Variants in DPYD observed in about 807,000 individuals in gnomAD.
The protein encoded by DPYD is dihydropyrimidine dehydrogenase [NADP(+)].
In DPYD, 109 loss-of-function variants were observed where a neutral mutation model predicts 116.2. The observed-to-expected ratio is 0.94, with a 90% CI of 0.80 to 1.10. The LOEUF is 1.10. DPYD is among the 50% of genes least tolerant of loss of function. The pLI is 0.00. For missense variants in DPYD, 1,302 were observed against 1,254.5 expected (o/e 1.04, Z -0.57); for synonymous variants, 440 against 432.0 (o/e 1.02, Z -0.23).
rs777367894 is a variant in DPYD, at chr1:97,305,394, C to G, written c.2180-16G>C. On this transcript the variant is annotated splice_polypyrimidine_tract_variant and intron_variant, in intron 17 of 22. Transcript: ENST00000370192. ...TTGGCACCACCTATGCAAGACACAT[C>G]AACATTTTCATGCAGCTCTTATAAG... The G allele has an allele frequency of 6.2e-7, 1 of 1,611,916 alleles. No individual in the cohort carries two copies. Among genetic ancestry groups the G allele is most frequent in the Admixed American group, 1.7e-5 (1 of 59,846 alleles).
intron 2 of DPYD, among the ~76,000 whole-genome samples, chr1:97,872,294 T>C (rs1167767048): frequency 6.6e-6 from 1 of 151,954 alleles, no homozygotes; most frequent in Non-Finnish European, 1.5e-5. Flanking sequence ...CCTGAGTAGA[T>C]AACTATATTC....
chr1:97,130,836 C>CTCCTTCCTTCCTTCCT (rs59350272), intron 20 of DPYD, among the ~76,000 whole-genome samples: 2,287 of 64,372 alleles, frequency 0.036, 48 homozygotes, highest in Non-Finnish European at 0.038. Context: ...TTTCTTCTTT[C>CTCCTTCCTTCCTTCCT]TCCTTCCTTC....
chr1:97,326,464 G>C (rs558131991), intron 16 of DPYD, among the ~76,000 whole-genome samples: 2 of 151,882 alleles, frequency 1.3e-5, no homozygotes, highest in African/African-American at 4.8e-5. Flanking sequence ...TTGATGTCTT[G>C]TGAATGGATG....
At chr1:97,443,107 C>CT (rs1675893185) in intron 14 of DPYD, among the ~76,000 whole-genome samples, 1 of 152,180 alleles carries the variant, frequency 6.6e-6, no homozygotes, top group Non-Finnish European at 1.5e-5. Context: ...TGTTCTGACT[C>CT]TAAGCCCTCT....
chr1:97,317,693 A>T (rs1667942622), intron 16 of DPYD, among the ~76,000 whole-genome samples: 2 of 152,124 alleles, frequency 1.3e-5, no homozygotes, highest in Admixed American at 1.3e-4. Flanking sequence ...ATTAACCAAC[A>T]CAGGGAGGAA....
intron 1 of DPYD, among the ~76,000 whole-genome samples, chr1:97,901,754 C>T (rs1673380666): frequency 6.6e-6 from 1 of 151,740 alleles, no homozygotes; most frequent in African/African-American, 2.4e-5. Context: ...TACAGCATGT[C>T]TCCAGTGCCT....
intron 14 of DPYD, among the ~76,000 whole-genome samples, chr1:97,385,359 A>T (rs1378589312): frequency 6.8e-6 from 1 of 146,706 alleles, no homozygotes; most frequent in Non-Finnish European, 1.5e-5. Context: ...AGGAAAAATC[A>T]ACTGGGGAAT....
chr1:97,373,432 A>G (rs1403438863), intron 16 of DPYD, 129 bp downstream of exon 16: 4 of 745,404 alleles, frequency 5.4e-6, no homozygotes, highest in South Asian at 3.5e-5. Flanking sequence ...TATTTAAACA[A>G]TGCAGACCTG....
intron 13 of DPYD, among the ~76,000 whole-genome samples, chr1:97,465,805 G>A (rs970171485): frequency 1.3e-5 from 2 of 152,170 alleles, no homozygotes; most frequent in Admixed American, 6.5e-5. Context: ...GCTGTAGCTC[G>A]ATTATCTTGG....
At chr1:97,446,349 C>T (rs1489303021) in intron 14 of DPYD, among the ~76,000 whole-genome samples, 2 of 152,082 alleles carry the variant, frequency 1.3e-5, no homozygotes, top group Non-Finnish European at 2.9e-5. Context: ...GCCAGAGTGC[C>T]TAAGGAGTCC....
At chr1:97,694,641 G>A (rs995069421) in intron 6 of DPYD, among the ~76,000 whole-genome samples, 1 of 152,080 alleles carries the variant, frequency 6.6e-6, no homozygotes, top group South Asian at 2.1e-4. Flanking sequence ...GAGTTGCTCA[G>A]GACCTAAACT....
intron 12 of DPYD, among the ~76,000 whole-genome samples, chr1:97,549,327 T>C (rs540299318): frequency 1.1e-4 from 17 of 152,196 alleles, no homozygotes; most frequent in Non-Finnish European, 2.2e-4. Context: ...GCCTCCAAAA[T>C]TGCTGGGATT....
intron 3 of DPYD, among the ~76,000 whole-genome samples, chr1:97,758,840 C>G (rs1485391590): frequency 6.6e-6 from 1 of 152,152 alleles, no homozygotes; most frequent in Non-Finnish European, 1.5e-5. Context: ...AAGTATAAGA[C>G]AGAATAACCA....
intron 16 of DPYD, among the ~76,000 whole-genome samples, chr1:97,361,150 A>G (rs1296326806): frequency 1.3e-5 from 2 of 151,870 alleles, no homozygotes; most frequent in Non-Finnish European, 2.9e-5. Context: ...AGAAATACAA[A>G]CCACCATCAG....
intron 18 of DPYD, among the ~76,000 whole-genome samples, chr1:97,257,909 C>T (rs952995945): frequency 2.0e-5 from 3 of 152,018 alleles, no homozygotes; most frequent in Non-Finnish European, 4.4e-5. Context: ...AGAAAATGAT[C>T]ATGACAAATC....
chr1:97,882,769 A>C (rs1199606930), intron 2 of DPYD, among the ~76,000 whole-genome samples: 7 of 152,024 alleles, frequency 4.6e-5, no homozygotes, highest in Non-Finnish European at 1.0e-4. Context: ...TTAGGTGTTC[A>C]TAGAACATCT....
chr1:97,148,667 C>A (rs1294811621), intron 20 of DPYD, among the ~76,000 whole-genome samples: 1 of 152,092 alleles, frequency 6.6e-6, no homozygotes, highest in African/African-American at 2.4e-5. Context: ...TATGGAATCC[C>A]TGGCAATATC....
chr1:97,196,887 TA>T lies in DPYD; in HGVS notation c.2443-3640del, dbSNP rs533675646. ...CCAAATGCATACGTTTTTAAAAATT[TA>T]ATCAAGTTATCTTCAACTGAAATAT... On this transcript the variant is annotated intron_variant, in intron 19 of 22. Coordinates refer to ENST00000370192, the MANE Select transcript of DPYD (RefSeq NM_000110.4). Among the ~76,000 whole-genome samples, 85 of 152,330 alleles carry T rather than the reference TA, an allele frequency of 5.6e-4. 1 individual carries two copies. Among genetic ancestry groups the T allele is most frequent in the South Asian group, 6.2e-4 (3 of 4,830 alleles).
intron 15 of DPYD, among the ~76,000 whole-genome samples, 187 bp from the exon 16 acceptor site, chr1:97,373,831 C>A (rs989243789): frequency 2.0e-5 from 3 of 152,192 alleles, no homozygotes; most frequent in Admixed American, 6.5e-5. Context: ...ACCACCACAA[C>A]AACAATCACA....
Sources: allele counts gnomAD v4.1 joint callset (sites outside exome capture counted in the v4.1 genomes callset), GRCh38; gene constraint gnomAD v4.1.1; transcripts MANE v1.5; gene names NCBI Gene and HGNC (gene_info 2026-07-23, HGNC 2026-07-21).